Variants in TMEM131 observed in about 807,000 individuals in gnomAD.
TMEM131 encodes 2610524E03Rik.
TMEM131 carries 66 observed loss-of-function variants against 211.6 expected under a neutral mutation model. That is an observed-to-expected ratio of 0.31 (90% confidence interval 0.26 to 0.38). The LOEUF (loss-of-function observed/expected upper bound fraction) is 0.38. TMEM131 is among the 10% of genes least tolerant of loss of function. The probability of loss-of-function intolerance (pLI) is 1.00; values close to 1 mark genes in which losing one functional copy is unlikely to be tolerated. For missense variants in TMEM131, 2,036 were observed against 2,299.3 expected (o/e 0.89, Z 2.34); for synonymous variants, 844 against 841.3 (o/e 1.00, Z -0.06).
intron 3 of TMEM131, among the ~76,000 whole-genome samples, chr2:97,903,013 C>T (rs1675923058): frequency 6.6e-6 from 1 of 152,120 alleles, no homozygotes; most frequent in Admixed American, 6.6e-5. Context: ...ATAAATTCCC[C>T]TTTATATATT....
intron 31 of TMEM131, among the ~76,000 whole-genome samples, chr2:97,779,123 T>C (rs1219941488): frequency 6.6e-6 from 1 of 152,212 alleles, no homozygotes; most frequent in Non-Finnish European, 1.5e-5. Context: ...CAGTTCTGGA[T>C]AGAACCTAGG....
At chr2:97,852,671 A>G (rs571375928) in intron 5 of TMEM131, among the ~76,000 whole-genome samples, 5 of 152,390 alleles carry the variant, frequency 3.3e-5, no homozygotes, top group Admixed American at 3.3e-4. Context: ...CAAGTTATCC[A>G]GAAGATCTAG....
intron 2 of TMEM131, among the ~76,000 whole-genome samples, chr2:97,922,893 T>C (rs1252403694): frequency 2.0e-5 from 3 of 152,136 alleles, no homozygotes; most frequent in African/African-American, 7.2e-5. Context: ...TATCTCACAA[T>C]AAACACTTTA....
intron 2 of TMEM131, among the ~76,000 whole-genome samples, chr2:97,924,789 TG>T (rs1206098775): frequency 5.9e-5 from 9 of 152,280 alleles, no homozygotes; most frequent in Admixed American, 5.9e-4. Context: ...TGGGCAATAA[TG>T]GGGGCTTTGC....
intron 1 of TMEM131, among the ~76,000 whole-genome samples, chr2:97,937,673 G>A (rs1243117324): frequency 2.6e-5 from 4 of 152,038 alleles, no homozygotes; most frequent in Non-Finnish European, 5.9e-5. Flanking sequence ...ATAAACATAC[G>A]TGAACCTAAC....
chr2:97,856,528 C>T (rs1049321990), intron 5 of TMEM131, among the ~76,000 whole-genome samples: 2 of 152,024 alleles, frequency 1.3e-5, no homozygotes, highest in Admixed American at 6.5e-5. Context: ...TTTTGGTTAA[C>T]GTACAGATAA....
intron 3 of TMEM131, 42 bp from the exon 4 acceptor site, chr2:97,888,162 AAT>A (rs780744652): frequency 2.0e-5 from 31 of 1,534,848 alleles, no homozygotes; most frequent in African/African-American, 6.8e-5. Flanking sequence ...AATTCTTCAA[AAT>A]ATATGTTTCC....
intron 11 of TMEM131, among the ~76,000 whole-genome samples, chr2:97,825,417 T>C (rs1049815958): frequency 3.3e-5 from 5 of 152,224 alleles, no homozygotes; most frequent in African/African-American, 1.2e-4. Context: ...ATACAGCCTA[T>C]ACTGGCTTAT....
intron 34 of TMEM131, 93 bp from the exon 35 acceptor site, chr2:97,766,356 C>T: frequency 6.3e-7 from 1 of 1,596,804 alleles, no homozygotes; most frequent in Non-Finnish European, 8.6e-7. Flanking sequence ...GACAAGAACA[C>T]AGCCTTAGCC....
chr2:97,927,215 A>G (rs1292916275), intron 2 of TMEM131, among the ~76,000 whole-genome samples: 1 of 152,208 alleles, frequency 6.6e-6, no homozygotes, highest in Non-Finnish European at 1.5e-5. Context: ...TAATACCACA[A>G]TGAGTTTGCA....
chr2:97,893,252 T>C (rs1395094969), intron 3 of TMEM131, among the ~76,000 whole-genome samples: 3 of 152,224 alleles, frequency 2.0e-5, no homozygotes, highest in Non-Finnish European at 4.4e-5. Context: ...TAGTATTCCA[T>C]GGTGTATATG....
At chr2:97,951,293 G>A (rs549333521) in intron 1 of TMEM131, among the ~76,000 whole-genome samples, 3 of 152,330 alleles carry the variant, frequency 2.0e-5, no homozygotes, top group Admixed American at 2.0e-4. Context: ...GGTAATATGT[G>A]TCTGCTTCAT....
At chr2:97,987,841 A>G (rs913852315) in intron 1 of TMEM131, among the ~76,000 whole-genome samples, 5 of 152,242 alleles carry the variant, frequency 3.3e-5, no homozygotes, top group African/African-American at 9.6e-5. Context: ...ATGGAAAGAC[A>G]TCCCAAGTTT....
chr2:97,824,653 C>T (rs1427216058), intron 11 of TMEM131, among the ~76,000 whole-genome samples: 1 of 152,072 alleles, frequency 6.6e-6, no homozygotes, highest in African/African-American at 2.4e-5. Flanking sequence ...GGGAATCAAC[C>T]CTGAAGTCTC....
chr2:97,864,666 A>G (rs1394957960), intron 4 of TMEM131, among the ~76,000 whole-genome samples: 1 of 152,226 alleles, frequency 6.6e-6, no homozygotes, highest in Non-Finnish European at 1.5e-5. Flanking sequence ...TAGAAGTTAG[A>G]GGGAGGTACT....
chr2:97,987,308 C>T (rs1029069338), intron 1 of TMEM131, among the ~76,000 whole-genome samples: 13 of 152,220 alleles, frequency 8.5e-5, no homozygotes, highest in African/African-American at 2.4e-4. Context: ...GTCAAGAGAT[C>T]GAGACCATCC....
At chr2:97,790,217 ACTAGTTTGC>A (rs1680436231) in intron 31 of TMEM131, among the ~76,000 whole-genome samples, 2 of 152,234 alleles carry the variant, frequency 1.3e-5, no homozygotes, top group African/African-American at 2.4e-5. Context: ...ACAACATACT[ACTAGTTTGC>A]AACCCCAAGA....
At chr2:97,979,099 T>C (rs1017024283) in intron 1 of TMEM131, among the ~76,000 whole-genome samples, 9 of 152,200 alleles carry the variant, frequency 5.9e-5, no homozygotes, top group Middle Eastern at 3.2e-3. Context: ...ATTTGGAAAG[T>C]AATATTTTTT....
At chr2:97,920,968 C>CGT (rs1553614604) in intron 2 of TMEM131, among the ~76,000 whole-genome samples, 5 of 101,448 alleles carry the variant, frequency 4.9e-5, no homozygotes, top group Non-Finnish European at 8.3e-5. Context: ...TAAAAAATCC[C>CGT]GAGTGTGTGT....
Sources: gnomAD v4.1 joint callset for allele counts (sites outside exome capture counted in the v4.1 genomes callset) on GRCh38, gnomAD v4.1.1 for gene constraint, MANE v1.5 for transcripts, NCBI Gene and HGNC (gene_info 2026-07-23, HGNC 2026-07-21) for gene names.